PPP2R2B: variants seen among roughly 807,000 people sequenced by gnomAD.
The protein encoded by PPP2R2B is protein phosphatase 2 regulatory subunit Bbeta, also known as serine/threonine-protein phosphatase 2A 55 kDa regulatory subunit B beta isoform.
A neutral mutation model predicts 46.0 loss-of-function variants in PPP2R2B; 5 were observed. The observed-to-expected ratio is 0.11, with a 90% CI of 0.06 to 0.23. PPP2R2B has a LOEUF of 0.23. Among genes scored for constraint, PPP2R2B ranks in the 10% least tolerant of loss-of-function variants. The pLI is 1.00. For synonymous variants in PPP2R2B, 215 were observed against 206.7 expected, an observed-to-expected ratio of 1.04 and a Z score of -0.34; for missense variants, 367 against 575.0, an observed-to-expected ratio of 0.64 and a Z score of 3.70.
At chr5:146,932,562 G>A (rs903759931) in intron 1 of PPP2R2B, among the ~76,000 whole-genome samples, 2 of 152,142 alleles carry the variant, frequency 1.3e-5, no homozygotes, top group African/African-American at 4.8e-5. Flanking sequence ...CCATGACTGT[G>A]AGGCCTCCCC....
intron 2 of PPP2R2B, among the ~76,000 whole-genome samples, chr5:146,763,226 G>A (rs1212762793): frequency 6.6e-6 from 1 of 152,216 alleles, no homozygotes; most frequent in Non-Finnish European, 1.5e-5. Context: ...AAGCAAACAT[G>A]AAGGAGGAAA....
chr5:146,718,568 T>C (rs1581944945), intron 2 of PPP2R2B, among the ~76,000 whole-genome samples: 1 of 152,120 alleles, frequency 6.6e-6, no homozygotes, highest in Admixed American at 6.5e-5. Flanking sequence ...ATTTGCTTCA[T>C]TCTAGTTAAT....
intron 2 of PPP2R2B, among the ~76,000 whole-genome samples, chr5:146,767,013 C>T (rs2151262692): frequency 7.6e-6 from 1 of 132,036 alleles, no homozygotes; most frequent in African/African-American, 2.9e-5. Context: ...GAGACCACAC[C>T]ATTGCACTCC....
intron 2 of PPP2R2B, among the ~76,000 whole-genome samples, chr5:146,833,290 C>A (rs1336114216): frequency 1.3e-5 from 2 of 152,048 alleles, no homozygotes; most frequent in East Asian, 3.9e-4. Flanking sequence ...ATCTACATCC[C>A]CAAGTAGAAG....
chr5:147,032,858 C>T (rs1755856896), intron 1 of PPP2R2B, among the ~76,000 whole-genome samples: 1 of 152,150 alleles, frequency 6.6e-6, no homozygotes, highest in African/African-American at 2.4e-5. Context: ...ACTTCTTTTC[C>T]TCTGGGTAGA....
chr5:147,079,488 TACTC>T (rs1436743996), intron 2 of PPP2R2B, among the ~76,000 whole-genome samples: 1 of 140,724 alleles, frequency 7.1e-6, no homozygotes, highest in Non-Finnish European at 1.5e-5. Flanking sequence ...AATGGAATAT[TACTC>T]AGCCATAAAA....
At chr5:146,762,371 T>C (rs1187226250) in intron 2 of PPP2R2B, among the ~76,000 whole-genome samples, 1 of 152,176 alleles carries the variant, frequency 6.6e-6, no homozygotes, top group Non-Finnish European at 1.5e-5. Flanking sequence ...AAGAAAATAG[T>C]ACCGAAAGCT....
In PPP2R2B at chr5:146,586,158, A is replaced by G. The variant is rs1447164880; in HGVS notation, c.*3789T>C. 2 of 152,292 alleles carry G rather than the reference A, an allele frequency of 1.3e-5. No homozygotes were observed. The highest frequency in any genetic ancestry group is 2.4e-5 in the African/African-American group (1 of 41,456). 9.4% of individuals were successfully genotyped at this position (152,292 alleles called of 1,614,324 possible). A position where few individuals can be genotyped will look rare whatever the true frequency, so the allele number is the denominator to read the frequency against. ...GGCCTGACTCCATTTCACTTCCAAG[A>G]TCAGATGAGATCGGGTGCATTCAGG... On this transcript the variant is annotated 3_prime_UTR_variant, in exon 10 of 10. Coordinates refer to ENST00000394411, the MANE Select transcript of PPP2R2B (RefSeq NM_181675.4).
intron 2 of PPP2R2B, among the ~76,000 whole-genome samples, chr5:146,785,780 A>C: frequency 6.6e-6 from 1 of 152,314 alleles, no homozygotes; most frequent in East Asian, 1.9e-4. Flanking sequence ...TATATCAAGA[A>C]ATAGTGATAT....
chr5:146,728,162 T>C (rs1359415579), intron 2 of PPP2R2B, among the ~76,000 whole-genome samples: 1 of 144,186 alleles, frequency 6.9e-6, no homozygotes, highest in South Asian at 2.1e-4. Context: ...TTTTTTTTTT[T>C]CAGATGCAAT....
At chr5:147,047,444 T>A (rs544692046) in intron 1 of PPP2R2B, among the ~76,000 whole-genome samples, 14 of 152,200 alleles carry the variant, frequency 9.2e-5, no homozygotes, top group Non-Finnish European at 2.9e-5. Flanking sequence ...TTTAAAAAAA[T>A]TTCTTAAACT....
At chr5:146,827,191 C>G (rs1382000146) in intron 2 of PPP2R2B, among the ~76,000 whole-genome samples, 1 of 152,072 alleles carries the variant, frequency 6.6e-6, no homozygotes, top group Non-Finnish European at 1.5e-5. Flanking sequence ...AAAATATGAC[C>G]TAGCTGAATT....
At chr5:146,684,026 T>C (rs1778337708) in intron 5 of PPP2R2B, among the ~76,000 whole-genome samples, 1 of 152,072 alleles carries the variant, frequency 6.6e-6, no homozygotes, top group South Asian at 2.1e-4. Flanking sequence ...GAATGACACA[T>C]TCACAAAGTT....
chr5:146,715,431 C>G (rs113825755), intron 2 of PPP2R2B, among the ~76,000 whole-genome samples: 34 of 152,114 alleles, frequency 2.2e-4, no homozygotes, highest in African/African-American at 7.5e-4. Context: ...TTGAAACTAC[C>G]ATTTATTGAG....
At position 146,589,928 on chromosome 5, in the gene PPP2R2B, T is replaced by C. The variant is rs758304380; in HGVS notation, c.*19A>G. 4.4e-6 allele frequency: 7 copies of C among 1,604,958 alleles called. No individual in the cohort carries two copies. The Admixed American group carries it at 5.0e-5, about 12-fold the overall frequency. On this transcript the variant is annotated 3_prime_UTR_variant, in exon 10 of 10. Transcript: ENST00000394411. The stretch of plus-strand genomic sequence containing the variant: ...ACTAGTATTCAGTATGTGAGATTAT[T>C]AAGTAATAACTTGTCCACCTAGTTA...
intron 1 of PPP2R2B, among the ~76,000 whole-genome samples, chr5:146,954,603 A>G (rs553487608): frequency 1.3e-5 from 2 of 152,290 alleles, no homozygotes; most frequent in South Asian, 2.1e-4. Context: ...ACAAATCTCC[A>G]CCAAAACACT....
At chr5:146,843,087 C>T (rs539870280) in intron 2 of PPP2R2B, among the ~76,000 whole-genome samples, 4 of 152,180 alleles carry the variant, frequency 2.6e-5, no homozygotes, top group Non-Finnish European at 4.4e-5. Context: ...CTCGGAAGGC[C>T]GAGGCAGGAG....
chr5:146,641,264 G>A (rs73310568), intron 6 of PPP2R2B, among the ~76,000 whole-genome samples: 4,291 of 152,216 alleles, frequency 0.028, 80 homozygotes, highest in Admixed American at 0.065. Flanking sequence ...GCTGGGATTT[G>A]AACCCAAGCT....
intron 7 of PPP2R2B, among the ~76,000 whole-genome samples, chr5:146,623,738 G>T (rs535301790): frequency 3.9e-5 from 6 of 152,132 alleles, no homozygotes; most frequent in African/African-American, 9.7e-5. Context: ...TATGAGCTTC[G>T]TGGGGATAGC....
Sources: gnomAD v4.1 joint callset for allele counts (sites outside exome capture counted in the v4.1 genomes callset) on GRCh38, gnomAD v4.1.1 for gene constraint, MANE v1.5 for transcripts, NCBI Gene and HGNC (gene_info 2026-07-23, HGNC 2026-07-21) for gene names.